ARG2: variants seen among roughly 807,000 people sequenced by gnomAD.
ARG2 encodes the protein arginase-2, mitochondrial.
ARG2 carries 21 observed loss-of-function variants against 39.4 expected under a neutral mutation model. The observed-to-expected ratio is 0.53, with a 90% CI of 0.38 to 0.77. ARG2 has a LOEUF of 0.77. Ranked by LOEUF, ARG2 falls within the 30% of genes least tolerant of loss-of-function variation. The pLI, the probability that ARG2 is intolerant of heterozygous loss-of-function variation, is 0.00. For synonymous variants in ARG2, 150 were observed against 156.7 expected (o/e 0.96, Z 0.32); for missense variants, 378 against 426.2 (o/e 0.89, Z 1.00).
At chr14:67,650,040 T>C (rs1306288888) in intron 7 of ARG2, 2 of 152,322 alleles carry the variant, frequency 1.3e-5, no homozygotes, top group East Asian at 3.9e-4. Context: ...TAACAGAAGG[T>C]AACTGAAGTC....
chr14:67,630,278 T>G, intron 2 of ARG2, among the ~76,000 whole-genome samples: 1 of 152,190 alleles, frequency 6.6e-6, no homozygotes, highest in East Asian at 1.9e-4. Context: ...AGAAAAATAG[T>G]TCATTTCACT....
rs775270403 is a variant in ARG2, at chr14:67,646,735, A to G, written c.614A>G (p.Glu205Gly). ...GGTCTGAGAGACGTGGACCCTCCTG[A>G]ACAGTAAGTTGATGCATTTGGCTGA... ...YIGLRDVDPP[E>G]HFILKNYDIQ... The change falls in exon 5 of 8, where the codon GAA (glutamate) becomes GGA (glycine). Residue 205 changes from glutamate to glycine, a missense_variant. Glu to Gly is a moderately conservative substitution (Grantham distance 98, BLOSUM62 -2). Coordinates refer to ENST00000261783, the MANE Select transcript of ARG2 (RefSeq NM_001172.4). 5 of 1,609,856 alleles carry G rather than the reference A, an allele frequency of 3.1e-6. No individual in the cohort carries two copies. Among genetic ancestry groups the G allele is most frequent in the Non-Finnish European group, 4.3e-6 (5 of 1,176,314 alleles).
intron 3 of ARG2, among the ~76,000 whole-genome samples, chr14:67,644,393 C>T (rs1238711565): frequency 2.0e-5 from 3 of 152,160 alleles, no homozygotes; most frequent in Non-Finnish European, 4.4e-5. Context: ...CACAGCTCTT[C>T]CAGGACTAAA....
At chr14:67,631,709 G>A (rs1355011891) in intron 2 of ARG2, among the ~76,000 whole-genome samples, 4 of 152,074 alleles carry the variant, frequency 2.6e-5, no homozygotes, top group Non-Finnish European at 4.4e-5. Context: ...TGGGATTACA[G>A]GTGTGAGCCA....
At chr14:67,624,127 G>A (rs1594821515) in intron 2 of ARG2, among the ~76,000 whole-genome samples, 1 of 152,220 alleles carries the variant, frequency 6.6e-6, no homozygotes, top group Admixed American at 6.5e-5. Context: ...CTGAGGAGCA[G>A]TATATCTGCA....
chr14:67,619,920 A>G lies in ARG2; in HGVS notation c.-58A>G, dbSNP rs1244856941. The G allele has an allele frequency of 1.7e-6, 2 of 1,188,246 alleles. No individual in the cohort carries two copies. The highest frequency in any genetic ancestry group is 1.6e-5 in the African/African-American group (1 of 61,852). 73.6% of individuals were successfully genotyped at this position (1,188,246 alleles called of 1,614,324 possible). On this transcript the variant is annotated 5_prime_UTR_variant, in exon 1 of 8. Transcript: ENST00000261783. ...AGAGCAGCGGCGGGCGGTGGCGCTC[A>G]CTCCCGGCTTCCAACCGCGCGGAGC... is the stretch of plus-strand genomic sequence containing the variant.
In ARG2 at chr14:67,651,149, T is replaced by C; in HGVS notation, c.*229T>C. ...TTAATATGCTACAGTACTATGTAAA[T>C]TTAAAGAAGTCATAAACAGCATTTA... On this transcript the variant is annotated 3_prime_UTR_variant, in exon 8 of 8. Transcript: ENST00000261783. 1 of 946,474 alleles carries C rather than the reference T, an allele frequency of 1.1e-6. No individual in the cohort carries two copies. Among genetic ancestry groups the C allele is most frequent in the Admixed American group, 2.8e-5 (1 of 35,164 alleles). 58.6% of individuals were successfully genotyped at this position (946,474 alleles called of 1,614,324 possible).
chr14:67,649,058 A>C (rs1033322186), intron 7 of ARG2: 1 of 152,198 alleles, frequency 6.6e-6, no homozygotes, highest in Non-Finnish European at 1.5e-5. Flanking sequence ...TCAGATCTGC[A>C]ATCTTAGATG....
intron 7 of ARG2, chr14:67,649,742 G>A (rs1437499639): frequency 6.6e-6 from 1 of 152,144 alleles, no homozygotes; most frequent in African/African-American, 2.4e-5. Context: ...AGCACATCAT[G>A]TACTATAGTG....
Position 67,646,553 on chromosome 14 carries a change from AAGC to A in ARG2, c.523-88_523-86del, listed in dbSNP as rs758552399. 3.7e-5 allele frequency: 37 copies of A among 1,010,576 alleles called. No homozygotes were observed. The East Asian group carries it at 5.7e-4, about 16-fold the overall frequency. 62.6% of individuals were successfully genotyped at this position (1,010,576 alleles called of 1,614,324 possible). A position where few individuals can be genotyped will look rare whatever the true frequency, so the allele number is the denominator to read the frequency against. ...AACTTACCCTGTGGGTGGCAGAAGAAAGCAGATTGCATACCCACGGACGCACAT... is the reference window on the plus strand; with the variant it reads ...AACTTACCCTGTGGGTGGCAGAAGAAAGATTGCATACCCACGGACGCACAT... On this transcript the variant is annotated intron_variant, in intron 4 of 7. Coordinates refer to ENST00000261783, the MANE Select transcript of ARG2 (RefSeq NM_001172.4).
chr14:67,650,296 C>G, intron 7 of ARG2: 1 of 225,422 alleles, frequency 4.4e-6, no homozygotes, highest in Non-Finnish European at 8.8e-6. Context: ...GTGCAAGTGG[C>G]AGATTTCCTC....
intron 2 of ARG2, among the ~76,000 whole-genome samples, chr14:67,637,270 C>T (rs2036981477): frequency 1.3e-5 from 2 of 151,826 alleles, no homozygotes; most frequent in African/African-American, 4.8e-5. Flanking sequence ...ATTAGCTGGG[C>T]ATGGTGGTGC....
At position 67,651,432 on chromosome 14, in the gene ARG2, C is replaced by T. The variant is rs780495647; in HGVS notation, c.*512C>T. The T allele has an allele frequency of 2.0e-4, 316 of 1,613,816 alleles. No individual in the cohort carries two copies. Among genetic ancestry groups the T allele is most frequent in the Non-Finnish European group, 2.4e-4 (279 of 1,179,842 alleles). Reference sequence around the variant, plus strand: ...TAGTAAACCAGGCCTCCCAGGATGGCGAGCTCCAGTAAGATGATAATGGAA... The same window carrying T: ...TAGTAAACCAGGCCTCCCAGGATGGTGAGCTCCAGTAAGATGATAATGGAA... On this transcript the variant is annotated 3_prime_UTR_variant, in exon 8 of 8. Transcript: ENST00000261783.
At chr14:67,642,134 G>A (rs1189366123) in intron 2 of ARG2, 52 bp from the exon 3 acceptor site, 4 of 1,562,350 alleles carry the variant, frequency 2.6e-6, no homozygotes, top group Non-Finnish European at 3.5e-6. Context: ...GGCTAGTTAA[G>A]AGTTGGAGAT....
intron 2 of ARG2, among the ~76,000 whole-genome samples, chr14:67,625,864 A>G (rs1033726334): frequency 1.3e-5 from 2 of 152,188 alleles, no homozygotes; most frequent in Non-Finnish European, 2.9e-5. Context: ...AAAGACAACC[A>G]AATTTAAAAA....
intron 4 of ARG2, among the ~76,000 whole-genome samples, chr14:67,646,250 T>C (rs778529066): frequency 5.9e-5 from 9 of 152,208 alleles, no homozygotes; most frequent in East Asian, 3.8e-4. Context: ...AGATTATTCA[T>C]TGGGCGGAAG....
At chr14:67,637,944 A>C (rs997419289) in intron 2 of ARG2, among the ~76,000 whole-genome samples, 1 of 152,188 alleles carries the variant, frequency 6.6e-6, no homozygotes, top group African/African-American at 2.4e-5. Flanking sequence ...CAGAGTCTTG[A>C]AAAGAGGAGG....
In ARG2 at chr14:67,620,010, C is replaced by A. The variant is rs758755127; in HGVS notation, c.33C>A (p.Leu11=). Residue 11 remains leucine, a synonymous_variant, in exon 1 of 8, where the codon CTC becomes CTA. Coordinates refer to ENST00000261783, the MANE Select transcript of ARG2 (RefSeq NM_001172.4). The stretch of plus-strand genomic sequence containing the variant: ...TAAGGGGCAGCCTCTCGCGTCTCCT[C>A]CAGACGCGAGTGCATTCCATCCTGA... MSLRGSLSRL[L]QTRVHSILKK... 6.2e-7 allele frequency: 1 copy of A among 1,610,120 alleles called. No individual in the cohort carries two copies. The highest frequency in any genetic ancestry group is 1.3e-5 in the African/African-American group (1 of 74,570).
Position 67,645,726 on chromosome 14 carries a change from AC to A in ARG2, c.447del (p.Asn149LysfsTer50), listed in dbSNP as rs2037089522. On this transcript the variant is annotated frameshift_variant, in exon 4 of 8. Coordinates refer to ENST00000261783, the MANE Select transcript of ARG2 (RefSeq NM_001172.4). LOFTEE classifies it high-confidence loss of function. ...TGGGTTGATGCCCATGCTGACATCA[AC>A]ACACCCCTTACCACTTCATCAGGAA... ...VVWVDAHADI[N>X]TPLTTSSGNL... The A allele has an allele frequency of 6.2e-7, 1 of 1,613,936 alleles. No individual in the cohort carries two copies. The highest frequency in any genetic ancestry group is 1.3e-5 in the African/African-American group (1 of 74,910).
Sources: gnomAD v4.1 joint callset for allele counts (sites outside exome capture counted in the v4.1 genomes callset) on GRCh38, gnomAD v4.1.1 for gene constraint, MANE v1.5 for transcripts, NCBI Gene and HGNC (gene_info 2026-07-23, HGNC 2026-07-21) for gene names.